PLP2: variants seen among roughly 807,000 people sequenced by gnomAD.
PLP2 encodes proteolipid protein 2.
In PLP2, 8 loss-of-function variants were observed where a neutral mutation model predicts 11.4. That is an observed-to-expected ratio of 0.70 (90% CI 0.41 to 1.27). The LOEUF (loss-of-function observed/expected upper bound fraction) is 1.27, where lower values mean the gene tolerates loss of function less well. Among genes scored for constraint, PLP2 ranks in the 50% most tolerant of loss-of-function variants. PLP2 has a pLI of 0.01. For missense variants in PLP2, 127 were observed against 123.5 expected (o/e 1.03, Z -0.14); for synonymous variants, 50 against 53.2 (o/e 0.94, Z 0.26).
Position 49,174,623 on chromosome X carries a change from A to G in PLP2, c.437-49A>G, listed in dbSNP as rs782095806. On this transcript the variant is annotated intron_variant, in intron 4 of 4. Transcript: ENST00000376327. Reference sequence around the variant, plus strand: ...TGGACTTTGGATCTTGTTTTAAAAAATGGGCATATAGATTCAGCCAATGCT... The same window carrying G: ...TGGACTTTGGATCTTGTTTTAAAAAGTGGGCATATAGATTCAGCCAATGCT... 3.5e-6 allele frequency: 4 copies of G among 1,146,790 alleles called. No homozygotes were observed. In the East Asian group the frequency reaches 1.2e-4, roughly 34 times the overall value. 94.5% of individuals were successfully genotyped at this position (1,146,790 alleles called of 1,213,427 possible). A position where few individuals can be genotyped will look rare whatever the true frequency, so the allele number is the denominator to read the frequency against.
intron 4 of PLP2, 36 bp downstream of exon 4, chrX:49,174,461 G>T (rs1557099587): frequency 6.4e-6 from 7 of 1,094,080 alleles, no homozygotes; most frequent in Non-Finnish European, 7.6e-6. Context: ...GGGTAAGGGG[G>T]TTGCTGAGAG....
chrX:49,174,767 A>C lies in PLP2; in HGVS notation c.*73A>C. 1.1e-6 allele frequency: 1 copy of C among 905,043 alleles called. No individual in the cohort carries two copies. Among genetic ancestry groups the C allele is most frequent in the Non-Finnish European group, 1.6e-6 (1 of 622,346 alleles). The allele number at this position is 905,043 out of a possible 1,213,427, so 74.6% of individuals were successfully genotyped here. Reference sequence around the variant, plus strand: ...TGAAATAACTCCTCCCCACCCCAACAACAACATTCCCAGCAGACCAACTCC... The same window carrying C: ...TGAAATAACTCCTCCCCACCCCAACCACAACATTCCCAGCAGACCAACTCC... On this transcript the variant is annotated 3_prime_UTR_variant, in exon 5 of 5. Transcript: ENST00000376327.
chrX:49,173,246 C>T lies in PLP2; in HGVS notation c.214C>T (p.His72Tyr). 1 of 1,211,059 alleles carries T rather than the reference C, an allele frequency of 8.3e-7. No homozygotes were observed. Residue 72 changes from histidine to tyrosine, a missense_variant, in exon 2 of 5, where the codon CAC becomes TAC. His to Tyr is a moderately conservative substitution (Grantham distance 83). Transcript: ENST00000376327. ...IFFVVYMCDL[H>Y]TKIPFINWPW... Reference sequence around the variant, plus strand: ...CTTTGTTGTCTACATGTGTGACCTGCACACCAAGATACCATTCATCAACTG... The same window carrying T: ...CTTTGTTGTCTACATGTGTGACCTGTACACCAAGATACCATTCATCAACTG...
chrX:49,172,902 TCA>T (rs2065397463), intron 1 of PLP2, among the ~76,000 whole-genome samples: 1 of 112,677 alleles, frequency 8.9e-6, no homozygotes, highest in African/African-American at 3.2e-5. Context: ...TCTCTGTGCC[TCA>T]GTTTTCTCGT....
intron 1 of PLP2, 40 bp from the exon 2 acceptor site, chrX:49,173,089 G>T: frequency 8.4e-7 from 1 of 1,184,979 alleles, no homozygotes; most frequent in South Asian, 1.8e-5. Context: ...CTCAGCCCTG[G>T]TTGCTGATTG....
Position 49,173,176 on chromosome X carries a change from C to T in PLP2, c.144C>T (p.Gly48=). The change falls in exon 2 of 5, where the codon GGC becomes GGT. Residue 48 remains glycine (G), a synonymous_variant. Transcript: ENST00000376327. ...ILICFSASTP[G]YSSLSVIEMI... ...TCTGCTTCAGTGCCTCCACACCAGG[C>T]TACTCCTCCCTGTCGGTGATTGAGA... The T allele has an allele frequency of 8.3e-7, 1 of 1,208,191 alleles. No individual in the cohort carries two copies. Among genetic ancestry groups the T allele is most frequent in the Non-Finnish European group, 1.1e-6 (1 of 892,483 alleles).
In PLP2 at chrX:49,174,948, C is replaced by T. The variant is rs2065407088; in HGVS notation, c.*254C>T. ...ACCAGTTCTGACTGAACCATGCCCC[C>T]ACCTAAGTCACAAAATGAGGGAAGT... On this transcript the variant is annotated 3_prime_UTR_variant, in exon 5 of 5. Coordinates refer to ENST00000376327, the MANE Select transcript of PLP2 (RefSeq NM_002668.3). 21 of 437,434 alleles carry T rather than the reference C, an allele frequency of 4.8e-5. No individual in the cohort carries two copies. In the South Asian group the frequency reaches 7.3e-4, roughly 15 times the overall value. The allele number at this position is 437,434 out of a possible 1,213,427, so 36.0% of individuals were successfully genotyped here.
In PLP2 at chrX:49,173,452, A is replaced by G. The variant is rs2065399660; in HGVS notation, c.314A>G (p.Glu105Gly). ...ATCACCTCCATTGTTGTCCTTGTTGAGAGAGGAAACCACTCCAAAATCGTC... is the reference window on the plus strand; with the variant it reads ...ATCACCTCCATTGTTGTCCTTGTTGGGAGAGGAAACCACTCCAAAATCGTC... ...YLITSIVVLV[E>G]RGNHSKIVAG... Residue 105 changes from glutamate to glycine, a missense_variant, in exon 3 of 5, where the codon GAG becomes GGG. Glu to Gly is a moderately conservative substitution (Grantham distance 98, BLOSUM62 -2). Transcript: ENST00000376327. The G allele has an allele frequency of 8.3e-7, 1 of 1,209,755 alleles. No homozygotes were observed. The highest frequency in any genetic ancestry group is 1.8e-5 in the African/African-American group (1 of 57,050).
intron 2 of PLP2, 52 bp downstream of exon 2, chrX:49,173,333 A>C (rs2065398827): frequency 1.7e-6 from 2 of 1,203,602 alleles, no homozygotes; most frequent in Admixed American, 2.2e-5. Flanking sequence ...GGCAGTTAGG[A>C]TTGTCGGGGA....
rs781942794 is a variant in PLP2 at position 49,172,107 on chromosome X, T to C, written c.96+11T>C. On this transcript the variant is annotated intron_variant, in intron 1 of 4. Coordinates refer to ENST00000376327, the MANE Select transcript of PLP2 (RefSeq NM_002668.3). ...CTGTTTGCTGAGATTGTGAGCGTTC[T>C]GGGGCAGGCGCGTGGGCAAAAGCGG... 3 of 1,145,350 alleles carry C rather than the reference T, an allele frequency of 2.6e-6. No homozygotes were observed. The highest frequency in any genetic ancestry group is 4.4e-5 in the Admixed American group (2 of 45,165). 94.4% of individuals were successfully genotyped at this position (1,145,350 alleles called of 1,213,427 possible).
intron 2 of PLP2, 31 bp downstream of exon 2, chrX:49,173,312 G>C (rs1333602753): frequency 8.3e-7 from 1 of 1,204,818 alleles, no homozygotes; most frequent in African/African-American, 1.8e-5. Flanking sequence ...GCAAGACCAG[G>C]GAGGGGTCTG....
At chrX:49,172,158 C>G (rs1305183420) in intron 1 of PLP2, 62 bp downstream of exon 1, 1 of 830,758 alleles carries the variant, frequency 1.2e-6, no homozygotes, top group African/African-American at 2.0e-5. Context: ...CCATGCGGAA[C>G]TGGATGGTCC....
intron 3 of PLP2, 157 bp downstream of exon 3, chrX:49,173,640 C>T (rs896350798): frequency 8.9e-5 from 95 of 1,070,203 alleles, no homozygotes; most frequent in Non-Finnish European, 1.2e-4. Context: ...TTGGTTTTGC[C>T]TCCCAAGGTC....
Position 49,174,422 on chromosome X carries a change from A to G in PLP2, c.433A>G (p.Thr145Ala), listed in dbSNP as rs1368648435. 1 of 1,110,303 alleles carries G rather than the reference A, an allele frequency of 9.0e-7. No homozygotes were observed. The highest frequency in any genetic ancestry group is 2.5e-5 in the African/African-American group (1 of 39,658). The allele number at this position is 1,110,303 out of a possible 1,213,427, so 91.5% of individuals were successfully genotyped here. ...GCAGCCAAGACATACAGCAGCCCCC[A>G]CTGGTAAGTGTGTGTGTGTGTTGGT... ...VRQPRHTAAP[T>A]DPADGPV The change falls in exon 4 of 5, where the codon ACT becomes GCT. Residue 145 changes from threonine to alanine, a missense_variant. By Grantham distance (58) the Thr-to-Ala change is moderately conservative (BLOSUM62 0). Transcript: ENST00000376327.
chrX:49,174,237 C>T (rs1365515519), intron 3 of PLP2, 98 bp from the exon 4 acceptor site: 11 of 638,348 alleles, frequency 1.7e-5, no homozygotes, highest in African/African-American at 4.4e-5. Flanking sequence ...TCCCATCCTG[C>T]GTGGGGCAGG....
rs1249464171 is a variant in PLP2 at position 49,174,799 on chromosome X, C to G, written c.*105C>G. The stretch of plus-strand genomic sequence containing the variant: ...TTCCCAGCAGACCAACTCCCACCCC[C>G]TCTTTGAGGTAAAAGTGCCTTTATT... On this transcript the variant is annotated 3_prime_UTR_variant, in exon 5 of 5. Coordinates refer to ENST00000376327, the MANE Select transcript of PLP2 (RefSeq NM_002668.3). The G allele has an allele frequency of 1.4e-6, 1 of 709,743 alleles. No homozygotes were observed. The highest frequency in any genetic ancestry group is 3.4e-5 in the East Asian group (1 of 29,230). The allele number at this position is 709,743 out of a possible 1,213,427, so 58.5% of individuals were successfully genotyped here.
intron 3 of PLP2, among the ~76,000 whole-genome samples, chrX:49,173,934 G>A (rs782813999): frequency 1.0e-3 from 115 of 111,589 alleles, no homozygotes; most frequent in African/African-American, 3.5e-3. Context: ...GCCGGGCATG[G>A]TGGTGGGCGC....
intron 1 of PLP2, 32 bp from the exon 2 acceptor site, chrX:49,173,097 T>C (rs1280884396): frequency 9.2e-6 from 11 of 1,201,470 alleles, no homozygotes; most frequent in Middle Eastern, 5.1e-4. Context: ...TGGTTGCTGA[T>C]TGAGGTCCCC....
Position 49,174,723 on chromosome X carries a change from C to G in PLP2, c.*29C>G. ...AACTTCCCTCATTTCTCTCTGCAAT[C>G]TGCAAATAACTCCTCCATTGAAATA... On this transcript the variant is annotated 3_prime_UTR_variant, in exon 5 of 5. Transcript: ENST00000376327. The G allele has an allele frequency of 8.7e-7, 1 of 1,146,135 alleles. No homozygotes were observed. The highest frequency in any genetic ancestry group is 1.8e-5 in the African/African-American group (1 of 56,575). The allele number at this position is 1,146,135 out of a possible 1,213,427, so 94.5% of individuals were successfully genotyped here.
Sources: allele counts gnomAD v4.1 joint callset (sites outside exome capture counted in the v4.1 genomes callset), GRCh38; gene constraint gnomAD v4.1.1; transcripts MANE v1.5; gene names NCBI Gene and HGNC (gene_info 2026-07-23, HGNC 2026-07-21).